Variants in SLC37A3 observed in about 807,000 individuals in gnomAD.
The protein encoded by SLC37A3 is sugar phosphate exchanger 3.
SLC37A3 carries 51 observed loss-of-function variants against 67.1 expected under a neutral mutation model. The observed-to-expected ratio is 0.76, with a 90% CI of 0.61 to 0.96. The LOEUF is 0.96. Ranked by LOEUF, SLC37A3 falls within the 40% of genes least tolerant of loss-of-function variation. The pLI is 0.00. For missense variants in SLC37A3, 508 were observed against 603.0 expected (o/e 0.84, Z 1.65); for synonymous variants, 214 against 231.4 (o/e 0.92, Z 0.68).
At chr7:140,387,177 G>A (rs1004464119) in intron 1 of SLC37A3, among the ~76,000 whole-genome samples, 7 of 151,886 alleles carry the variant, frequency 4.6e-5, no homozygotes, top group Non-Finnish European at 8.8e-5. Context: ...TATAGTCACC[G>A]GTAGGGCACA....
chr7:140,351,674 C>T (rs1796808211), intron 8 of SLC37A3: 2 of 574,426 alleles, frequency 3.5e-6, no homozygotes. Context: ...TCTGTGGTTT[C>T]ATTTGTATGT....
At chr7:140,355,833 A>G in intron 6 of SLC37A3, 69 bp from the exon 7 acceptor site, 3 of 1,288,694 alleles carry the variant, frequency 2.3e-6, no homozygotes, top group South Asian at 2.4e-5. Context: ...TTCAAAATAC[A>G]AAACAGCCAA....
chr7:140,355,159 C>G (rs909948867), intron 7 of SLC37A3, among the ~76,000 whole-genome samples: 1 of 151,466 alleles, frequency 6.6e-6, no homozygotes, highest in Non-Finnish European at 1.5e-5. Flanking sequence ...TTGAATATAT[C>G]AGAAGTTTAT....
chr7:140,371,385 G>C (rs1223261190), intron 3 of SLC37A3, among the ~76,000 whole-genome samples: 1 of 152,022 alleles, frequency 6.6e-6, no homozygotes, highest in Admixed American at 6.6e-5. Flanking sequence ...TGTTGGCCAG[G>C]ATGGTCTCAA....
At chr7:140,387,633 A>G (rs1355670868) in intron 1 of SLC37A3, among the ~76,000 whole-genome samples, 1 of 120,598 alleles carries the variant, frequency 8.3e-6, no homozygotes, top group African/African-American at 3.2e-5. Context: ...TATATATTAT[A>G]TAAATATAAA....
At chr7:140,387,571 C>T (rs760191589) in intron 1 of SLC37A3, among the ~76,000 whole-genome samples, 3 of 139,116 alleles carry the variant, frequency 2.2e-5, no homozygotes, top group East Asian at 4.1e-4. Flanking sequence ...GCTGAAATCA[C>T]GCCACTGCAC....
At chr7:140,344,956 A>G (rs1796495223) in intron 12 of SLC37A3, among the ~76,000 whole-genome samples, 1 of 152,130 alleles carries the variant, frequency 6.6e-6, no homozygotes, top group South Asian at 2.1e-4. Flanking sequence ...TAGAGGTAAG[A>G]GCAGAAGCTG....
At chr7:140,368,061 G>A (rs369669283) in intron 4 of SLC37A3, among the ~76,000 whole-genome samples, 16 of 151,830 alleles carry the variant, frequency 1.1e-4, no homozygotes, top group East Asian at 3.9e-4. Flanking sequence ...TTATCCACCT[G>A]CCTCGGTCTC....
chr7:140,382,850 A>G (rs1042873754), intron 1 of SLC37A3, among the ~76,000 whole-genome samples: 13 of 152,106 alleles, frequency 8.5e-5, no homozygotes, highest in African/African-American at 3.1e-4. Context: ...AAAATCACTC[A>G]TTCTTATAGA....
intron 2 of SLC37A3, among the ~76,000 whole-genome samples, chr7:140,381,040 G>A (rs1197836451): frequency 6.6e-6 from 1 of 151,528 alleles, no homozygotes; most frequent in Admixed American, 6.6e-5. Flanking sequence ...TGGGATCACA[G>A]GCACGTGCCA....
chr7:140,382,718 G>C (rs551091679), intron 1 of SLC37A3, 122 bp from the exon 2 acceptor site: 69 of 435,634 alleles, frequency 1.6e-4, no homozygotes, highest in Non-Finnish European at 2.3e-4. Context: ...TTATGGCCTA[G>C]TTGACACCAG....
At position 140,334,229 on chromosome 7, in the gene SLC37A3, C is replaced by T. The variant is rs1796048265; in HGVS notation, c.*1183G>A. Reference sequence around the variant, plus strand: ...TATTCAATAAATTACATGATATATTCAACACTCGATTATAAAATAGAGTTT... The same window carrying T: ...TATTCAATAAATTACATGATATATTTAACACTCGATTATAAAATAGAGTTT... On this transcript the variant is annotated 3_prime_UTR_variant, in exon 15 of 15. Transcript: ENST00000326232. The T allele has an allele frequency of 6.6e-6, 1 of 152,144 alleles. No individual in the cohort carries two copies. Among genetic ancestry groups the T allele is most frequent in the African/African-American group, 2.4e-5 (1 of 41,416 alleles). 9.4% of individuals were successfully genotyped at this position (152,144 alleles called of 1,614,324 possible).
In SLC37A3 at chr7:140,348,518, G is replaced by A. The variant is rs1796665748; in HGVS notation, c.1024+108C>T. On this transcript the variant is annotated intron_variant, in intron 10 of 14. Coordinates refer to ENST00000326232, the MANE Select transcript of SLC37A3 (RefSeq NM_207113.3). ...ACTAGTAGGACAGTTTAGGGAAAATGGCTGTAGAATAAGTAATAAAACTTT... is the reference window on the plus strand; with the variant it reads ...ACTAGTAGGACAGTTTAGGGAAAATAGCTGTAGAATAAGTAATAAAACTTT... The A allele has an allele frequency of 3.5e-6, 4 of 1,145,430 alleles. No individual in the cohort carries two copies. In the South Asian group the frequency reaches 5.8e-5, roughly 17 times the overall value. The allele number at this position is 1,145,430 out of a possible 1,614,324, so 71.0% of individuals were successfully genotyped here.
chr7:140,393,971 G>A (rs1798820634), intron 1 of SLC37A3, among the ~76,000 whole-genome samples: 1 of 152,040 alleles, frequency 6.6e-6, no homozygotes, highest in South Asian at 2.1e-4. Flanking sequence ...ACGAGTTCGG[G>A]ACCAGCCTGA....
intron 13 of SLC37A3, among the ~76,000 whole-genome samples, chr7:140,339,759 T>C (rs111516854): frequency 0.051 from 7,574 of 148,054 alleles, 212 homozygotes; most frequent in Non-Finnish European, 0.072. Flanking sequence ...TTTTTTGAGA[T>C]GGAGTCTCAC....
intron 1 of SLC37A3, among the ~76,000 whole-genome samples, chr7:140,395,299 C>T (rs556697514): frequency 4.7e-5 from 7 of 147,794 alleles, no homozygotes; most frequent in Admixed American, 1.4e-4. Context: ...TGCTTGAACC[C>T]GGGAGGCGGA....
At chr7:140,365,087 G>A (rs1563032907) in intron 4 of SLC37A3, among the ~76,000 whole-genome samples, 1 of 152,154 alleles carries the variant, frequency 6.6e-6, no homozygotes, top group African/African-American at 2.4e-5. Context: ...GGCAGGGAGA[G>A]TAGGAAGGCA....
At position 140,345,234 on chromosome 7, in the gene SLC37A3, G is replaced by A. The variant is rs1488937338; in HGVS notation, c.1156C>T (p.Leu386Phe). The A allele has an allele frequency of 1.2e-6, 2 of 1,614,066 alleles. No individual in the cohort carries two copies. Among genetic ancestry groups the A allele is most frequent in the Non-Finnish European group, 1.7e-6 (2 of 1,179,924 alleles). ...RSPNDKSINALLMTVTGFFIG... is the reference protein window; with the variant it reads ...RSPNDKSINAFLMTVTGFFIG... ...GCCGTACCTGTAACAGTCATCAGAAGGGCATTGATGGACTTATCATTTGGA... is the reference window on the plus strand; with the variant it reads ...GCCGTACCTGTAACAGTCATCAGAAAGGCATTGATGGACTTATCATTTGGA... Residue 386 changes from leucine (L) to phenylalanine (F), a missense_variant, in exon 12 of 15, where the codon CTT becomes TTT. Physicochemically the swap from Leu to Phe is conservative, Grantham distance 22 (BLOSUM62 0). Coordinates refer to ENST00000326232, the MANE Select transcript of SLC37A3 (RefSeq NM_207113.3).
intron 1 of SLC37A3, among the ~76,000 whole-genome samples, chr7:140,387,792 T>TTATATATACTATATATAATA: frequency 1.5e-5 from 1 of 66,940 alleles, no homozygotes; most frequent in East Asian, 4.7e-4. Flanking sequence ...TATAAATATA[T>TTATATATACTATATATAATA]TATATATATT....
Sources: gnomAD v4.1 joint callset for allele counts (sites outside exome capture counted in the v4.1 genomes callset) on GRCh38, gnomAD v4.1.1 for gene constraint, MANE v1.5 for transcripts, NCBI Gene and HGNC (gene_info 2026-07-23, HGNC 2026-07-21) for gene names.